Variants in CAMK1D observed in about 807,000 individuals in gnomAD.
CAMK1D encodes calcium/calmodulin-dependent protein kinase type 1D.
A neutral mutation model predicts 47.7 loss-of-function variants in CAMK1D; 9 were observed. The observed-to-expected ratio is 0.19, with a 90% CI of 0.11 to 0.33. The LOEUF is 0.33. Among genes scored for constraint, CAMK1D ranks in the 10% least tolerant of loss-of-function variants. CAMK1D has a pLI of 1.00. For missense variants in CAMK1D, 291 were observed against 488.7 expected (o/e 0.60, Z 3.81); for synonymous variants, 184 against 184.9 (o/e 0.99, Z 0.04).
chr10:12,446,476 G>A (rs1222783226), intron 1 of CAMK1D, among the ~76,000 whole-genome samples: 5 of 152,280 alleles, frequency 3.3e-5, no homozygotes, highest in South Asian at 2.1e-4. Flanking sequence ...CTTCTTTACC[G>A]CAGCCTGTTT....
At chr10:12,530,008 T>G (rs1164903071) in intron 1 of CAMK1D, among the ~76,000 whole-genome samples, 1 of 152,224 alleles carries the variant, frequency 6.6e-6, no homozygotes, top group Non-Finnish European at 1.5e-5. Context: ...AAAAGACATT[T>G]AGCCAACTGG....
chr10:12,471,045 C>T, intron 1 of CAMK1D, among the ~76,000 whole-genome samples: 1 of 152,164 alleles, frequency 6.6e-6, no homozygotes, highest in Non-Finnish European at 1.5e-5. Context: ...CCTCCTTCCT[C>T]CCTTTGTGTC....
rs55888132 is a variant in CAMK1D, at chr10:12,828,643, GA to G, written c.1040-114del. The G allele has an allele frequency of 6.2e-3, 2,873 of 463,108 alleles. 2 individuals carry two copies. The highest frequency in any genetic ancestry group is 8.9e-3 in the Middle Eastern group (13 of 1,456). 28.7% of individuals were successfully genotyped at this position (463,108 alleles called of 1,614,324 possible). A position where few individuals can be genotyped will look rare whatever the true frequency, so the allele number is the denominator to read the frequency against. On this transcript the variant is annotated intron_variant, in intron 10 of 10. Coordinates refer to ENST00000619168, the MANE Select transcript of CAMK1D (RefSeq NM_153498.4). ...TGAAAAGAGTGAAACTCCATCTCAA[GA>G]AAAAAAAAAAATTGGGCCCCCCCGC... is the stretch of plus-strand genomic sequence containing the variant.
chr10:12,505,879 CCT>C (rs1403060405), intron 1 of CAMK1D, among the ~76,000 whole-genome samples: 1 of 152,160 alleles, frequency 6.6e-6, no homozygotes, highest in Non-Finnish European at 1.5e-5. Flanking sequence ...TCCTCCTCCT[CCT>C]CCCTTGTTCC....
In CAMK1D at chr10:12,753,654, C is replaced by G. The variant is rs541371225; in HGVS notation, c.300-7294C>G. Among the ~76,000 whole-genome samples the G allele has an allele frequency of 1.3e-3, 203 of 152,312 alleles. 2 individuals are homozygous for G. The highest frequency in any genetic ancestry group is 4.5e-3 in the African/African-American group (186 of 41,576). ...CCACACGTGGCTGCCTCGTTCCTGT[C>G]CTTCAGAGGGGCCATCGCTGAACGC... On this transcript the variant is annotated intron_variant, in intron 3 of 10. Transcript: ENST00000619168.
At chr10:12,748,089 G>A (rs1835768020) in intron 3 of CAMK1D, among the ~76,000 whole-genome samples, 2 of 152,180 alleles carry the variant, frequency 1.3e-5, no homozygotes, top group South Asian at 4.1e-4. Context: ...GCAGCGAAGG[G>A]ATGCTAAGAA....
At chr10:12,789,773 C>A (rs1053213646) in intron 5 of CAMK1D, among the ~76,000 whole-genome samples, 5 of 151,040 alleles carry the variant, frequency 3.3e-5, no homozygotes, top group African/African-American at 1.2e-4. Flanking sequence ...GTGAATACAT[C>A]ATAAAAGAAG....
intron 6 of CAMK1D, 24 bp downstream of exon 6, chr10:12,791,257 G>T: frequency 6.2e-7 from 1 of 1,604,938 alleles, no homozygotes; most frequent in Non-Finnish European, 8.5e-7. Flanking sequence ...GCTGCCTTGG[G>T]TTCTTCCTCT....
chr10:12,799,364 C>A (rs1838330360), intron 6 of CAMK1D, among the ~76,000 whole-genome samples: 1 of 152,030 alleles, frequency 6.6e-6, no homozygotes, highest in East Asian at 1.9e-4. Context: ...CATTGTCAGC[C>A]TATGCAGATG....
At chr10:12,778,814 G>A (rs146227736) in intron 5 of CAMK1D, among the ~76,000 whole-genome samples, 12 of 152,190 alleles carry the variant, frequency 7.9e-5, no homozygotes, top group Admixed American at 6.5e-4. Context: ...TTGAGGCAAC[G>A]GCGAACTATA....
At chr10:12,366,592 G>A (rs1837843219) in intron 1 of CAMK1D, among the ~76,000 whole-genome samples, 1 of 152,074 alleles carries the variant, frequency 6.6e-6, no homozygotes, top group African/African-American at 2.4e-5. Context: ...CTAGGAGGTG[G>A]GGGTTGCAGT....
intron 1 of CAMK1D, among the ~76,000 whole-genome samples, chr10:12,517,441 C>A (rs751884816): frequency 6.6e-6 from 1 of 152,144 alleles, no homozygotes; most frequent in African/African-American, 2.4e-5. Context: ...TCCTTCTTTG[C>A]CTTATTCTTG....
At chr10:12,738,572 C>T (rs1328831746) in intron 3 of CAMK1D, among the ~76,000 whole-genome samples, 1 of 152,168 alleles carries the variant, frequency 6.6e-6, no homozygotes, top group East Asian at 1.9e-4. Context: ...GTGGCTCACA[C>T]CTGTAATCCC....
chr10:12,665,746 T>C (rs1840408452), intron 2 of CAMK1D, among the ~76,000 whole-genome samples: 1 of 152,252 alleles, frequency 6.6e-6, no homozygotes, highest in African/African-American at 2.4e-5. Flanking sequence ...GCTGTTTCCT[T>C]CTGCCCTGGT....
intron 1 of CAMK1D, among the ~76,000 whole-genome samples, chr10:12,502,541 A>G (rs1212886447): frequency 6.6e-6 from 1 of 152,170 alleles, no homozygotes; most frequent in African/African-American, 2.4e-5. Context: ...GGCAGACACC[A>G]TCATTTACCT....
intron 4 of CAMK1D, among the ~76,000 whole-genome samples, chr10:12,767,895 G>C (rs372041822): frequency 2.6e-4 from 39 of 152,180 alleles, no homozygotes; most frequent in African/African-American, 8.9e-4. Flanking sequence ...ATTTTGAGAC[G>C]GAGTTTCACT....
At chr10:12,638,522 C>G (rs1004902256) in intron 2 of CAMK1D, among the ~76,000 whole-genome samples, 29 of 152,236 alleles carry the variant, frequency 1.9e-4, no homozygotes, top group African/African-American at 6.7e-4. Context: ...TTGGATAAAT[C>G]CTGCTTGTTC....
intron 3 of CAMK1D, among the ~76,000 whole-genome samples, chr10:12,723,525 C>T (rs1056041366): frequency 6.6e-6 from 1 of 152,144 alleles, no homozygotes; most frequent in Non-Finnish European, 1.5e-5. Flanking sequence ...TTAAGGCATA[C>T]AGGAATTGCA....
chr10:12,606,863 C>T (rs1838476459), intron 2 of CAMK1D, among the ~76,000 whole-genome samples: 1 of 151,992 alleles, frequency 6.6e-6, no homozygotes, highest in Non-Finnish European at 1.5e-5. Flanking sequence ...GAGTCTCGCT[C>T]TGTCACCGGG....
Sources: allele counts gnomAD v4.1 joint callset (sites outside exome capture counted in the v4.1 genomes callset), GRCh38; gene constraint gnomAD v4.1.1; transcripts MANE v1.5; gene names NCBI Gene and HGNC (gene_info 2026-07-23, HGNC 2026-07-21).